The following SUGCT variants were observed in gnomAD, a reference collection of about 807,000 sequenced individuals.
The protein encoded by SUGCT is succinyl-CoA:glutarate CoA-transferase.
In SUGCT, 41 loss-of-function variants were observed where a neutral mutation model predicts 55.0. The ratio of observed to expected loss-of-function variants is 0.74; its 90% CI spans 0.58 to 0.97. The LOEUF is 0.97. Ranked by LOEUF, SUGCT falls within the 50% of genes least tolerant of loss-of-function variation. The probability of loss-of-function intolerance (pLI) is 0.00; values close to 1 mark genes in which losing one functional copy is unlikely to be tolerated. For missense variants in SUGCT, 568 were observed against 547.8 expected (o/e 1.04, Z -0.37); for synonymous variants, 187 against 200.4 (o/e 0.93, Z 0.56).
chr7:40,170,517 A>G (rs561169319), intron 1 of SUGCT, among the ~76,000 whole-genome samples: 1 of 152,196 alleles, frequency 6.6e-6, no homozygotes, highest in Non-Finnish European at 1.5e-5. Flanking sequence ...TGAAAAAAGA[A>G]CATAGGGATG....
In SUGCT at chr7:40,555,431, T is replaced by C. The variant is rs556455531; in HGVS notation, c.1089+59045T>C. ...ACTCCCTTTTCAGTCCTGGGTGTTATTCATTCCAGACCAGGAGTGTGTATG... is the reference window on the plus strand; with the variant it reads ...ACTCCCTTTTCAGTCCTGGGTGTTACTCATTCCAGACCAGGAGTGTGTATG... On this transcript the variant is annotated intron_variant, in intron 12 of 13. Coordinates refer to ENST00000335693, the MANE Select transcript of SUGCT (RefSeq NM_001193313.2). Among the ~76,000 whole-genome samples, 18 of 152,198 alleles carry C rather than the reference T, an allele frequency of 1.2e-4. 2 individuals carry two copies. In the South Asian group the frequency reaches 3.5e-3, roughly 30 times the overall value.
chr7:40,188,161 C>T (rs190709227), intron 3 of SUGCT, among the ~76,000 whole-genome samples: 45 of 151,924 alleles, frequency 3.0e-4, no homozygotes, highest in Middle Eastern at 3.4e-3. Flanking sequence ...TGGATGGGCG[C>T]GGTGGCTCAC....
At chr7:40,972,398 T>C in the SUGCT span, among the ~76,000 whole-genome samples, 2 of 152,190 alleles carry the variant, frequency 1.3e-5, no homozygotes, top group Non-Finnish European at 2.9e-5. Flanking sequence ...AGACATAAGA[T>C]GTTGGATCAG....
At chr7:40,485,697 A>G (rs1312577491) in intron 11 of SUGCT, among the ~76,000 whole-genome samples, 1 of 152,128 alleles carries the variant, frequency 6.6e-6, no homozygotes, top group Non-Finnish European at 1.5e-5. Context: ...AATTACAGGC[A>G]TGAGCCACTG....
chr7:40,980,707 AT>A, the SUGCT span, among the ~76,000 whole-genome samples: 70 of 150,460 alleles, frequency 4.7e-4, no homozygotes, highest in East Asian at 1.6e-3. Flanking sequence ...ATACCATTAA[AT>A]TTTTTTTTTA....
chr7:40,742,149 G>A (rs1268839283), intron 12 of SUGCT, among the ~76,000 whole-genome samples: 1 of 152,094 alleles, frequency 6.6e-6, no homozygotes, highest in Non-Finnish European at 1.5e-5. Flanking sequence ...CATTATATAT[G>A]TGTTTGTGTA....
At chr7:40,919,040 C>T in the SUGCT span, among the ~76,000 whole-genome samples, 4 of 152,184 alleles carry the variant, frequency 2.6e-5, no homozygotes, top group Non-Finnish European at 5.9e-5. Context: ...AGGCATGGAG[C>T]GCCATCCACT....
At chr7:40,350,611 A>G (rs1028509228) in intron 9 of SUGCT, among the ~76,000 whole-genome samples, 6 of 151,872 alleles carry the variant, frequency 4.0e-5, no homozygotes, top group Admixed American at 6.6e-5. Context: ...GATTAGAGGC[A>G]TGAGCCACCG....
rs777825350 is a variant in SUGCT, at chr7:40,188,511, A to G, written c.243A>G (p.Thr81=). Residue 81 remains threonine (T), a synonymous_variant, in exon 4 of 14, where the codon ACA becomes ACG. Transcript: ENST00000335693. The part of the protein sequence containing the change: ...KVERPGAGDD[T]RTWGPPFVGT... ...TATTTTCAGGAGCTGGTGATGATAC[A>G]CGAACTTGGGGGCCACCTTTTGTTG... The G allele has an allele frequency of 6.2e-7, 1 of 1,608,832 alleles. No homozygotes were observed. The highest frequency in any genetic ancestry group is 8.5e-7 in the Non-Finnish European group (1 of 1,178,004).
Position 40,353,922 on chromosome 7 carries a change from A to G in SUGCT, c.816+37067A>G, listed in dbSNP as rs1234815591. ...TATTTTCTGCTTTCATTTTTATGGC[A>G]TTTGGTTTGAGAGTCTGAGAAAGAA... is the stretch of plus-strand genomic sequence containing the variant. On this transcript the variant is annotated intron_variant, in intron 9 of 13. Transcript: ENST00000335693. Among the ~76,000 whole-genome samples, 4 of 152,098 alleles carry G rather than the reference A, an allele frequency of 2.6e-5. No homozygotes were observed. The East Asian group carries it at 7.7e-4, about 29-fold the overall frequency.
rs867341984 is a variant in SUGCT at position 40,499,990 on chromosome 7, A to G, written c.1089+3604A>G. 4.6e-5 allele frequency among the ~76,000 whole-genome samples: 7 copies of G among 152,312 alleles called. No individual in the cohort carries two copies. In the South Asian group the frequency reaches 1.2e-3, roughly 27 times the overall value. On this transcript the variant is annotated intron_variant, in intron 12 of 13. Coordinates refer to ENST00000335693, the MANE Select transcript of SUGCT (RefSeq NM_001193313.2). The stretch of plus-strand genomic sequence containing the variant: ...ATACAGCTTTTAATAGAAACTATTC[A>G]AATTCCTGCAAACATAGGTATATAT...
In SUGCT at chr7:40,189,636, T is replaced by C. The variant is rs1302187409; in HGVS notation, c.363+42T>C. 3.5e-6 allele frequency: 4 copies of C among 1,146,568 alleles called. No individual in the cohort carries two copies. In the African/African-American group the frequency reaches 6.3e-5, roughly 18 times the overall value. 71.0% of individuals were successfully genotyped at this position (1,146,568 alleles called of 1,614,324 possible). On this transcript the variant is annotated intron_variant, in intron 5 of 13. Transcript: ENST00000335693. ...AGAAAGCATCCTACCACCTAGGTTA[T>C]AATTAGGGTTTGGAATATCAGAGCA... is the stretch of plus-strand genomic sequence containing the variant.
intron 11 of SUGCT, among the ~76,000 whole-genome samples, chr7:40,488,510 A>G (rs566933212): frequency 2.0e-5 from 3 of 152,324 alleles, no homozygotes; most frequent in African/African-American, 4.8e-5. Context: ...AGTAATTTAC[A>G]CACCATCATT....
At chr7:40,502,148 T>C (rs939336459) in intron 12 of SUGCT, among the ~76,000 whole-genome samples, 3 of 152,122 alleles carry the variant, frequency 2.0e-5, no homozygotes, top group East Asian at 3.8e-4. Context: ...TCTCGCTCTT[T>C]CTCTAGCATG....
intron 9 of SUGCT, among the ~76,000 whole-genome samples, chr7:40,440,987 G>T (rs1019533725): frequency 6.6e-6 from 1 of 151,754 alleles, no homozygotes; most frequent in African/African-American, 2.4e-5. Flanking sequence ...ACTGGGTTTT[G>T]TACTTTTCTT....
chr7:41,015,101 G>A, the SUGCT span, among the ~76,000 whole-genome samples: 1 of 152,176 alleles, frequency 6.6e-6, no homozygotes, highest in Non-Finnish European at 1.5e-5. Flanking sequence ...CTGACAAAGA[G>A]GTAACTTTCC....
chr7:40,309,905 A>C (rs1043517252), intron 8 of SUGCT, among the ~76,000 whole-genome samples: 118 of 147,528 alleles, frequency 8.0e-4, no homozygotes, highest in African/African-American at 1.9e-3. Context: ...AAAAAAAAAA[A>C]AACACATGAC....
chr7:40,569,446 G>T (rs1223973061), intron 12 of SUGCT, among the ~76,000 whole-genome samples: 1 of 152,102 alleles, frequency 6.6e-6, no homozygotes, highest in Non-Finnish European at 1.5e-5. Context: ...ATCTCCGCAG[G>T]AACTAGCTGA....
chr7:40,349,309 A>G (rs1251587554), intron 9 of SUGCT, among the ~76,000 whole-genome samples: 1 of 152,118 alleles, frequency 6.6e-6, no homozygotes, highest in African/African-American at 2.4e-5. Flanking sequence ...CCCTTTTGAT[A>G]CATTTGATTT....
Sources: allele counts gnomAD v4.1 joint callset (sites outside exome capture counted in the v4.1 genomes callset), GRCh38; gene constraint gnomAD v4.1.1; transcripts MANE v1.5; gene names NCBI Gene and HGNC (gene_info 2026-07-23, HGNC 2026-07-21).